KLF12: variants seen among roughly 807,000 people sequenced by gnomAD.
KLF12 encodes KLF transcription factor 12.
Under a neutral mutation model 37.8 loss-of-function variants are expected in KLF12, and 9 were observed. The ratio of observed to expected loss-of-function variants is 0.24; its 90% CI spans 0.14 to 0.42. The LOEUF is 0.42. Among genes scored for constraint, KLF12 ranks in the 10% least tolerant of loss-of-function variants. The probability of loss-of-function intolerance (pLI) is 1.00; values close to 1 mark genes in which losing one functional copy is unlikely to be tolerated. For synonymous variants in KLF12, 208 were observed against 202.1 expected, an observed-to-expected ratio of 1.03 and a Z score of -0.25; for missense variants, 411 against 516.0, an observed-to-expected ratio of 0.80 and a Z score of 1.97.
Position 74,007,338 on chromosome 13 carries a change from C to T in KLF12, c.-31-12285G>A, listed in dbSNP as rs532221287. On this transcript the variant is annotated intron_variant, in intron 1 of 7. Coordinates refer to ENST00000377669, the MANE Select transcript of KLF12 (RefSeq NM_007249.5). ...CCTCCCAGGTTGGAGTGCAGTGGCG[C>T]GATCTCGGCTCACTGCAAGCTCCAT... Among the ~76,000 whole-genome samples the T allele has an allele frequency of 1.5e-3, 220 of 151,640 alleles. 2 individuals are homozygous for T. Among genetic ancestry groups the T allele is most frequent in the African/African-American group, 5.1e-3 (210 of 41,336 alleles).
At chr13:73,713,655 T>G (rs956473193) in intron 7 of KLF12, among the ~76,000 whole-genome samples, 1 of 152,236 alleles carries the variant, frequency 6.6e-6, no homozygotes, top group African/African-American at 2.4e-5. Context: ...TCAGATTGTT[T>G]TGAATTACAA....
intron 1 of KLF12, among the ~76,000 whole-genome samples, chr13:74,039,938 A>G (rs528275474): frequency 5.3e-4 from 81 of 152,366 alleles, no homozygotes; most frequent in African/African-American, 1.9e-3. Flanking sequence ...TGTCAATGTA[A>G]AAAGTATGGC....
intron 1 of KLF12, among the ~76,000 whole-genome samples, chr13:74,106,084 C>A (rs80040112): frequency 6.6e-6 from 1 of 152,176 alleles, no homozygotes; most frequent in Non-Finnish European, 1.5e-5. Flanking sequence ...TTATAAAGCA[C>A]TGTGACTGTC....
intron 6 of KLF12, among the ~76,000 whole-genome samples, chr13:73,728,303 A>G (rs1273126207): frequency 1.3e-5 from 2 of 152,158 alleles, no homozygotes; most frequent in African/African-American, 4.8e-5. Flanking sequence ...TTGTTTATTC[A>G]TCTTGTGTCC....
At position 74,029,083 on chromosome 13, in the gene KLF12, T is replaced by C. The variant is rs893871615; in HGVS notation, c.-31-34030A>G. Among the ~76,000 whole-genome samples, 5 of 152,004 alleles carry C rather than the reference T, an allele frequency of 3.3e-5. No homozygotes were observed. The South Asian group carries it at 6.2e-4, about 19-fold the overall frequency. ...TTATTTTATAAATGAGGAAAGTGAATCTCAAGTTAAAAACATAACTTGCCC... is the reference window on the plus strand; with the variant it reads ...TTATTTTATAAATGAGGAAAGTGAACCTCAAGTTAAAAACATAACTTGCCC... On this transcript the variant is annotated intron_variant, in intron 1 of 7. Transcript: ENST00000377669.
chr13:73,898,996 G>A (rs1183550898), intron 3 of KLF12, among the ~76,000 whole-genome samples: 2 of 152,210 alleles, frequency 1.3e-5, no homozygotes, highest in Non-Finnish European at 2.9e-5. Flanking sequence ...GCAGAAAGAG[G>A]CAATGAAGTG....
intron 3 of KLF12, among the ~76,000 whole-genome samples, chr13:73,854,000 T>C (rs1333036237): frequency 6.6e-6 from 1 of 152,222 alleles, no homozygotes; most frequent in Admixed American, 6.5e-5. Context: ...AAACGGAAGC[T>C]GGATTAAGTC....
At chr13:74,194,994 T>G in the KLF12 span, among the ~76,000 whole-genome samples, 1 of 152,124 alleles carries the variant, frequency 6.6e-6, no homozygotes, top group South Asian at 2.1e-4. Context: ...ACTTCTTAGG[T>G]GAATTAGCTT....
intron 1 of KLF12, among the ~76,000 whole-genome samples, chr13:74,076,527 GC>G (rs1874572858): frequency 6.6e-6 from 1 of 152,178 alleles, no homozygotes; most frequent in Non-Finnish European, 1.5e-5. Flanking sequence ...GCTATGTGAA[GC>G]CTCTTTTATA....
chr13:73,916,472 C>T (rs1189839452), intron 3 of KLF12, among the ~76,000 whole-genome samples: 3 of 152,066 alleles, frequency 2.0e-5, no homozygotes, highest in African/African-American at 7.2e-5. Flanking sequence ...AGTATCTACC[C>T]CACAACACCC....
chr13:74,140,502 T>C, the KLF12 span, among the ~76,000 whole-genome samples: 1 of 152,178 alleles, frequency 6.6e-6, no homozygotes, highest in Non-Finnish European at 1.5e-5. Flanking sequence ...AAAAAGCATT[T>C]TACCAGTTTA....
At chr13:73,758,417 T>C (rs1879328815) in intron 6 of KLF12, among the ~76,000 whole-genome samples, 1 of 152,176 alleles carries the variant, frequency 6.6e-6, no homozygotes, top group South Asian at 2.1e-4. Flanking sequence ...AACCCCAGAA[T>C]TACAAAGTTG....
intron 1 of KLF12, among the ~76,000 whole-genome samples, chr13:74,033,294 GC>G (rs2138495758): frequency 6.6e-6 from 1 of 152,262 alleles, no homozygotes; most frequent in South Asian, 2.1e-4. Flanking sequence ...TTTGGTGTAT[GC>G]CCTTTTATTA....
At chr13:73,803,161 TAAAG>T (rs1269718804) in intron 5 of KLF12, among the ~76,000 whole-genome samples, 5 of 152,214 alleles carry the variant, frequency 3.3e-5, no homozygotes, top group Admixed American at 6.5e-5. Context: ...CATGAGTAGA[TAAAG>T]AGATTCAGTT....
In KLF12 at chr13:74,049,235, G is replaced by C. The variant is rs59390624; in HGVS notation, c.-31-54182C>G. Among the ~76,000 whole-genome samples the C allele has an allele frequency of 8.6e-3, 1,306 of 152,268 alleles. 17 individuals are homozygous for C. The highest frequency in any genetic ancestry group is 0.056 in the East Asian group (292 of 5,184). ...AAAATCATACCAAGAACAGAGTGAG[G>C]GAACAAAGAGTGATAAGATGTCCAG... On this transcript the variant is annotated intron_variant, in intron 1 of 7. Transcript: ENST00000377669.
At chr13:73,779,045 C>T (rs763127378) in intron 5 of KLF12, among the ~76,000 whole-genome samples, 2 of 152,134 alleles carry the variant, frequency 1.3e-5, no homozygotes, top group Non-Finnish European at 2.9e-5. Flanking sequence ...TATCAATACA[C>T]AGCATATAAT....
At chr13:74,206,789 AT>A in the KLF12 span, among the ~76,000 whole-genome samples, 7 of 152,216 alleles carry the variant, frequency 4.6e-5, no homozygotes, top group Non-Finnish European at 1.0e-4. Context: ...TTGGCAATTT[AT>A]TTAATTTTGT....
intron 7 of KLF12, among the ~76,000 whole-genome samples, chr13:73,706,443 T>C (rs1032419172): frequency 6.6e-6 from 1 of 152,246 alleles, no homozygotes; most frequent in East Asian, 1.9e-4. Flanking sequence ...TGTTCAACTA[T>C]GTACAGAATG....
intron 5 of KLF12, among the ~76,000 whole-genome samples, chr13:73,796,040 A>G (rs996400740): frequency 3.3e-5 from 5 of 152,200 alleles, no homozygotes; most frequent in Admixed American, 2.0e-4. Context: ...CAATCTATCC[A>G]GATAATTATC....
Sources: gnomAD v4.1 joint callset for allele counts (sites outside exome capture counted in the v4.1 genomes callset) on GRCh38, gnomAD v4.1.1 for gene constraint, MANE v1.5 for transcripts, NCBI Gene and HGNC (gene_info 2026-07-23, HGNC 2026-07-21) for gene names.